Variants in FAR2 observed in about 807,000 individuals in gnomAD.
The protein encoded by FAR2 is epididymis secretory protein Li 81.
A neutral mutation model predicts 56.0 loss-of-function variants in FAR2; 19 were observed. The ratio of observed to expected loss-of-function variants is 0.34; its 90% confidence interval spans 0.24 to 0.50. The LOEUF (loss-of-function observed/expected upper bound fraction) is 0.50, where lower values mean the gene tolerates loss of function less well. Among genes scored for constraint, FAR2 ranks in the 20% least tolerant of loss-of-function variants. FAR2 has a pLI of 0.98. For synonymous variants in FAR2, 219 were observed against 218.8 expected, an observed-to-expected ratio of 1.00 and a Z score of -0.01; for missense variants, 508 against 642.2, an observed-to-expected ratio of 0.79 and a Z score of 2.26.
intron 1 of FAR2, among the ~76,000 whole-genome samples, chr12:29,184,026 C>G (rs972220334): frequency 1.3e-5 from 2 of 152,134 alleles, no homozygotes; most frequent in African/African-American, 4.8e-5. Context: ...TTGTGAATTA[C>G]TAAGTGGCAA....
chr12:29,210,273 T>C (rs190784440), intron 1 of FAR2, among the ~76,000 whole-genome samples: 1 of 152,280 alleles, frequency 6.6e-6, no homozygotes, highest in Non-Finnish European at 1.5e-5. Flanking sequence ...AAAAAGCAAT[T>C]ATTATCACAA....
In FAR2 at chr12:29,287,315, A is replaced by G. The variant is rs193275897; in HGVS notation, c.190-5985A>G. On this transcript the variant is annotated intron_variant, in intron 2 of 11. Coordinates refer to ENST00000536681, the MANE Select transcript of FAR2 (RefSeq NM_001271783.2). The stretch of plus-strand genomic sequence containing the variant: ...GGAGTTATAGAAACGGTCTTCGCTA[A>G]AGCACTAAAAACGTCTAGATTAATC... Among the ~76,000 whole-genome samples, 7 of 152,340 alleles carry G rather than the reference A, an allele frequency of 4.6e-5. No homozygotes were observed. In the East Asian group the frequency reaches 1.3e-3, roughly 29 times the overall value.
chr12:29,188,269 C>T (rs1298376486), intron 1 of FAR2, among the ~76,000 whole-genome samples: 1 of 152,128 alleles, frequency 6.6e-6, no homozygotes, highest in Non-Finnish European at 1.5e-5. Flanking sequence ...TTAGTGAGGT[C>T]CATAAAACCT....
At chr12:29,223,822 T>G (rs1208266354) in intron 1 of FAR2, 1 of 152,224 alleles carries the variant, frequency 6.6e-6, no homozygotes, top group Non-Finnish European at 1.5e-5. Context: ...ATTTAAATTT[T>G]TCTGCTACAT....
intron 4 of FAR2, among the ~76,000 whole-genome samples, chr12:29,306,252 C>T (rs1049681323): frequency 1.3e-5 from 2 of 152,056 alleles, no homozygotes; most frequent in African/African-American, 4.8e-5. Flanking sequence ...AATTCTAGAA[C>T]CCCTCAATCT....
chr12:29,294,360 TG>T (rs67800835), intron 3 of FAR2, among the ~76,000 whole-genome samples: 34 of 151,610 alleles, frequency 2.2e-4, no homozygotes, highest in Admixed American at 4.6e-4. Flanking sequence ...ATTTTTTTTT[TG>T]TTGTTGAGAC....
intron 1 of FAR2, among the ~76,000 whole-genome samples, chr12:29,262,468 T>C (rs912351420): frequency 3.3e-5 from 5 of 152,102 alleles, no homozygotes; most frequent in African/African-American, 4.8e-5. Context: ...CCGTTTCTAC[T>C]AAAAATACAA....
chr12:29,184,969 T>G (rs1283849076), intron 1 of FAR2, among the ~76,000 whole-genome samples: 2 of 152,232 alleles, frequency 1.3e-5, no homozygotes, highest in African/African-American at 4.8e-5. Context: ...ATTTTTATCA[T>G]CAGGTTGCTA....
intron 1 of FAR2, among the ~76,000 whole-genome samples, chr12:29,219,478 A>AC (rs1319952734): frequency 2.6e-5 from 4 of 152,200 alleles, no homozygotes; most frequent in Non-Finnish European, 4.4e-5. Flanking sequence ...CAGGTCTGAT[A>AC]GAGGACACAC....
At chr12:29,159,262 G>A (rs529857699) in intron 1 of FAR2, among the ~76,000 whole-genome samples, 1 of 152,108 alleles carries the variant, frequency 6.6e-6, no homozygotes, top group African/African-American at 2.4e-5. Flanking sequence ...TGGGAGGCCG[G>A]GCACGGTGGC....
intron 2 of FAR2, among the ~76,000 whole-genome samples, chr12:29,271,864 G>C (rs909861435): frequency 1.2e-4 from 19 of 152,266 alleles, no homozygotes; most frequent in Admixed American, 7.2e-4. Context: ...TTTTATAGAT[G>C]GGGAAACTGA....
intron 1 of FAR2, among the ~76,000 whole-genome samples, chr12:29,259,839 A>C (rs948980473): frequency 6.6e-6 from 1 of 152,110 alleles, no homozygotes; most frequent in Non-Finnish European, 1.5e-5. Context: ...GATACCATAC[A>C]TTATATAGGA....
chr12:29,317,617 C>T (rs748683261), intron 9 of FAR2: 4 of 152,456 alleles, frequency 2.6e-5, no homozygotes, highest in East Asian at 1.9e-4. Context: ...ATCATTCATG[C>T]GAAAAGAAAA....
At chr12:29,294,896 A>G (rs952948268) in intron 3 of FAR2, among the ~76,000 whole-genome samples, 2 of 151,786 alleles carry the variant, frequency 1.3e-5, no homozygotes, top group African/African-American at 4.8e-5. Flanking sequence ...CCACATGGTT[A>G]GTTTTTGAAC....
chr12:29,171,970 C>T (rs1380307376), intron 1 of FAR2: 3 of 152,114 alleles, frequency 2.0e-5, no homozygotes, highest in South Asian at 4.2e-4. Context: ...GGCTGCCGCC[C>T]AGTCTGGGAA....
chr12:29,164,537 A>T (rs1312909211), intron 1 of FAR2, among the ~76,000 whole-genome samples: 1 of 152,302 alleles, frequency 6.6e-6, no homozygotes, highest in South Asian at 2.1e-4. Context: ...CATACTGGTC[A>T]TCCAACATCT....
chr12:29,150,821 C>T (rs1004518527), intron 1 of FAR2, among the ~76,000 whole-genome samples: 1 of 152,178 alleles, frequency 6.6e-6, no homozygotes. Context: ...ACAAATTCCT[C>T]ACTTACTCCT....
At chr12:29,160,978 AT>A (rs1300386552) in intron 1 of FAR2, among the ~76,000 whole-genome samples, 1 of 152,212 alleles carries the variant, frequency 6.6e-6, no homozygotes, top group Non-Finnish European at 1.5e-5. Flanking sequence ...TTGACTTCTT[AT>A]TATCACAATG....
At chr12:29,253,092 T>C (rs1467440356) in intron 1 of FAR2, among the ~76,000 whole-genome samples, 2 of 152,130 alleles carry the variant, frequency 1.3e-5, no homozygotes, top group African/African-American at 2.4e-5. Flanking sequence ...TCCACCCTGC[T>C]AGCCTAACCT....
Sources: allele counts gnomAD v4.1 joint callset (sites outside exome capture counted in the v4.1 genomes callset), GRCh38; gene constraint gnomAD v4.1.1; transcripts MANE v1.5; gene names NCBI Gene and HGNC (gene_info 2026-07-23, HGNC 2026-07-21).